ZNF366: variants seen among roughly 807,000 people sequenced by gnomAD.
ZNF366 encodes dendritic cell-specific transcript protein.
Under a neutral mutation model 47.2 loss-of-function variants are expected in ZNF366, and 20 were observed. The observed-to-expected ratio is 0.42, with a 90% CI of 0.30 to 0.62. The LOEUF (loss-of-function observed/expected upper bound fraction) is 0.62, where lower values mean the gene tolerates loss of function less well. Among genes scored for constraint, ZNF366 ranks in the 20% least tolerant of loss-of-function variants. The pLI, the probability that ZNF366 is intolerant of heterozygous loss-of-function variation, is 0.16. For missense variants in ZNF366, 987 were observed against 976.3 expected (o/e 1.01, Z -0.15); for synonymous variants, 421 against 395.1 (o/e 1.07, Z -0.78).
At chr5:72,505,224 AC>A (rs1343204618) in intron 1 of ZNF366, among the ~76,000 whole-genome samples, 2 of 152,208 alleles carry the variant, frequency 1.3e-5, no homozygotes, top group Non-Finnish European at 2.9e-5. Flanking sequence ...GGAAGTTTCC[AC>A]AAATGCCAAC....
chr5:72,481,476 C>A (rs909643752), intron 1 of ZNF366, among the ~76,000 whole-genome samples: 3 of 152,070 alleles, frequency 2.0e-5, no homozygotes, highest in African/African-American at 7.2e-5. Flanking sequence ...AATAGCACTG[C>A]GGTAGACAAC....
chr5:72,495,187 G>A (rs933718833), intron 1 of ZNF366, among the ~76,000 whole-genome samples: 4 of 152,136 alleles, frequency 2.6e-5, no homozygotes, highest in African/African-American at 9.7e-5. Flanking sequence ...TATACAACCT[G>A]TTAACTTACA....
chr5:72,487,654 C>G (rs1743917078), intron 1 of ZNF366, among the ~76,000 whole-genome samples: 1 of 152,182 alleles, frequency 6.6e-6, no homozygotes, highest in Non-Finnish European at 1.5e-5. Flanking sequence ...CCCTCTCCCT[C>G]AGGGACCCAC....
chr5:72,502,953 A>C (rs1744239837), intron 1 of ZNF366, among the ~76,000 whole-genome samples: 1 of 152,096 alleles, frequency 6.6e-6, no homozygotes, highest in African/African-American at 2.4e-5. Context: ...GTGAATCCCC[A>C]TCTCTACTAA....
intron 1 of ZNF366, among the ~76,000 whole-genome samples, chr5:72,464,085 C>T (rs1399630791): frequency 6.6e-6 from 1 of 152,160 alleles, no homozygotes; most frequent in African/African-American, 2.4e-5. Context: ...CAAACTGGTT[C>T]TCTTTTTAAA....
chr5:72,465,826 A>G (rs1465425954), intron 1 of ZNF366, among the ~76,000 whole-genome samples: 1 of 152,238 alleles, frequency 6.6e-6, no homozygotes, highest in South Asian at 2.1e-4. Context: ...CTGAAAGTCT[A>G]GGTTTGAATG....
chr5:72,477,446 G>C (rs1013175150), intron 1 of ZNF366, among the ~76,000 whole-genome samples: 3 of 152,212 alleles, frequency 2.0e-5, no homozygotes, highest in African/African-American at 7.2e-5. Flanking sequence ...AAGGAAGGAT[G>C]ACTATTCTAG....
chr5:72,501,481 A>T (rs1744208801), intron 1 of ZNF366, among the ~76,000 whole-genome samples: 1 of 152,306 alleles, frequency 6.6e-6, no homozygotes, highest in Middle Eastern at 3.4e-3. Context: ...GCCACTTTAA[A>T]TTTGCCAAAT....
chr5:72,490,387 G>A (rs1258212248), intron 1 of ZNF366, among the ~76,000 whole-genome samples: 3 of 152,104 alleles, frequency 2.0e-5, no homozygotes, highest in Non-Finnish European at 4.4e-5. Context: ...GAGAATAAGG[G>A]AAGGAAAAAG....
chr5:72,454,501 C>T (rs985342059), intron 3 of ZNF366, among the ~76,000 whole-genome samples: 9 of 152,168 alleles, frequency 5.9e-5, no homozygotes, highest in South Asian at 2.1e-4. Context: ...ATTTCAGGAA[C>T]GTTTTCTGCC....
intron 1 of ZNF366, among the ~76,000 whole-genome samples, chr5:72,487,424 G>C (rs1743913105): frequency 6.6e-6 from 1 of 152,118 alleles, no homozygotes; most frequent in Non-Finnish European, 1.5e-5. Flanking sequence ...TAAAAAATGT[G>C]GTTCCCTAAC....
chr5:72,454,591 G>C (rs1743142913), intron 3 of ZNF366, among the ~76,000 whole-genome samples: 3 of 152,180 alleles, frequency 2.0e-5, no homozygotes, highest in African/African-American at 7.2e-5. Context: ...TGAATTTTCA[G>C]GGGATTATAA....
chr5:72,480,576 T>C (rs1743771811), intron 1 of ZNF366, among the ~76,000 whole-genome samples: 1 of 152,158 alleles, frequency 6.6e-6, no homozygotes. Context: ...AGATAACAAT[T>C]AATGGGCATT....
chr5:72,487,834 C>T lies in ZNF366; in HGVS notation c.-15+19417G>A, dbSNP rs536151091. On this transcript the variant is annotated intron_variant, in intron 1 of 4. Coordinates refer to ENST00000318442, the MANE Select transcript of ZNF366 (RefSeq NM_152625.3). ...CCAGGACAGGTTAAAGTCTGAAATT[C>T]TACCTGTGGCAGACTGCTTAGGATT... Among the ~76,000 whole-genome samples the T allele has an allele frequency of 9.2e-5, 14 of 152,294 alleles. No individual in the cohort carries two copies. The South Asian group carries it at 2.9e-3, about 32-fold the overall frequency.
At chr5:72,464,786 C>T (rs567111628) in intron 1 of ZNF366, among the ~76,000 whole-genome samples, 4 of 152,046 alleles carry the variant, frequency 2.6e-5, no homozygotes, top group East Asian at 1.9e-4. Context: ...CTCGGCTGGG[C>T]GCAATGGCTC....
chr5:72,463,035 A>G (rs1439896648), intron 1 of ZNF366, among the ~76,000 whole-genome samples: 1 of 152,336 alleles, frequency 6.6e-6, no homozygotes, highest in East Asian at 1.9e-4. Flanking sequence ...ATGTAGGGCC[A>G]CTGGAGATAG....
chr5:72,493,977 T>TCGAGACGA lies in ZNF366; in HGVS notation c.-15+13273_-15+13274insTCGTCTCG, dbSNP rs1342005539. On this transcript the variant is annotated intron_variant, in intron 1 of 4. Coordinates refer to ENST00000318442, the MANE Select transcript of ZNF366 (RefSeq NM_152625.3). ...TAGTAGAGGTGGGGTTTCACCATAT[T>TCGAGACGA]GGCCAGGCCAGTCTCGAACTCCTGA... Among the ~76,000 whole-genome samples, 11 of 144,366 alleles carry TCGAGACGA rather than the reference T, an allele frequency of 7.6e-5. No homozygotes were observed. In the Admixed American group the frequency reaches 7.9e-4, roughly 10 times the overall value. 94.7% of individuals were successfully genotyped at this position (144,366 alleles called of 152,430 possible).
At chr5:72,447,163 G>C in intron 4 of ZNF366, 80 bp downstream of exon 4, 1 of 1,513,006 alleles carries the variant, frequency 6.6e-7, no homozygotes, top group Non-Finnish European at 9.1e-7. Context: ...AACCCTCAAG[G>C]TAATGCCCCA....
chr5:72,459,953 G>T (rs1308653363), intron 2 of ZNF366, among the ~76,000 whole-genome samples: 1 of 152,246 alleles, frequency 6.6e-6, no homozygotes, highest in African/African-American at 2.4e-5. Flanking sequence ...CTAGAAGGCT[G>T]CTGGGGCAAA....
Sources: allele counts gnomAD v4.1 joint callset (sites outside exome capture counted in the v4.1 genomes callset), GRCh38; gene constraint gnomAD v4.1.1; transcripts MANE v1.5; gene names NCBI Gene and HGNC (gene_info 2026-07-23, HGNC 2026-07-21).